Variants in SRGAP1 observed in about 807,000 individuals in gnomAD.
SRGAP1 encodes the protein SLIT-ROBO Rho GTPase-activating protein 1.
SRGAP1 carries 43 observed loss-of-function variants against 121.9 expected under a neutral mutation model. That is an observed-to-expected ratio of 0.35 (90% CI 0.28 to 0.46). The LOEUF is 0.46. Among genes scored for constraint, SRGAP1 ranks in the 20% least tolerant of loss-of-function variants. SRGAP1 has a pLI of 1.00. For missense variants in SRGAP1, 1,102 were observed against 1,350.9 expected, an observed-to-expected ratio of 0.82 and a Z score of 2.89; for synonymous variants, 447 against 485.4, an observed-to-expected ratio of 0.92 and a Z score of 1.04.
At chr12:63,930,195 A>G (rs2031419472) in intron 1 of SRGAP1, among the ~76,000 whole-genome samples, 1 of 152,020 alleles carries the variant, frequency 6.6e-6, no homozygotes, top group Non-Finnish European at 1.5e-5. Flanking sequence ...TAACACTCAA[A>G]AGGGAGCTCC....
At chr12:63,960,362 C>T (rs187194874) in intron 1 of SRGAP1, among the ~76,000 whole-genome samples, 4 of 152,144 alleles carry the variant, frequency 2.6e-5, no homozygotes, top group African/African-American at 4.8e-5. Context: ...GCCCCTCCAC[C>T]GCCAGCTGGT....
intron 21 of SRGAP1, among the ~76,000 whole-genome samples, chr12:64,136,633 C>T (rs1036398391): frequency 6.6e-6 from 1 of 152,128 alleles, no homozygotes; most frequent in Non-Finnish European, 1.5e-5. Flanking sequence ...TTTTGGATAG[C>T]AAATTAGATT....
At chr12:64,005,787 AACTTAT>A (rs1384957321) in intron 3 of SRGAP1, among the ~76,000 whole-genome samples, 1 of 152,206 alleles carries the variant, frequency 6.6e-6, no homozygotes, top group Non-Finnish European at 1.5e-5. Flanking sequence ...AATGCATAGT[AACTTAT>A]ACTTCTCTTC....
chr12:63,990,104 T>A, intron 3 of SRGAP1, 32 bp downstream of exon 3: 2 of 1,535,640 alleles, frequency 1.3e-6, no homozygotes, highest in Non-Finnish European at 1.8e-6. Context: ...ATAGTGTGCT[T>A]TCCAATAACT....
rs536314428 is a variant in SRGAP1 at position 63,957,342 on chromosome 12, T to A, written c.68-26605T>A. 7.2e-5 allele frequency among the ~76,000 whole-genome samples: 11 copies of A among 152,254 alleles called. No homozygotes were observed. The East Asian group carries it at 1.9e-3, about 27-fold the overall frequency. ...TGCCTCCTTGGCACACTCACATTTGTAGGTCATCTGCTCAGGTTTAGGCTT... is the reference window on the plus strand; with the variant it reads ...TGCCTCCTTGGCACACTCACATTTGAAGGTCATCTGCTCAGGTTTAGGCTT... On this transcript the variant is annotated intron_variant, in intron 1 of 21. Transcript: ENST00000355086.
At chr12:64,072,100 ATC>A (rs796532210) in intron 8 of SRGAP1, among the ~76,000 whole-genome samples, 693 of 60,524 alleles carry the variant, frequency 0.011, 16 homozygotes, top group African/African-American at 0.032. Context: ...AGTTGACCCA[ATC>A]TCTCTCTGTG....
chr12:64,137,841 A>G (rs1011204635), intron 21 of SRGAP1, among the ~76,000 whole-genome samples: 1 of 151,924 alleles, frequency 6.6e-6, no homozygotes, highest in Admixed American at 6.6e-5. Flanking sequence ...TATGCTCCAG[A>G]TGAGTGGGAG....
At chr12:64,024,594 C>A (rs147576965) in intron 4 of SRGAP1, among the ~76,000 whole-genome samples, 233 of 152,320 alleles carry the variant, frequency 1.5e-3, no homozygotes, top group African/African-American at 5.4e-3. Context: ...TTGCTCCATT[C>A]GACTTTGTTT....
At chr12:63,947,975 C>T (rs2032102837) in intron 1 of SRGAP1, among the ~76,000 whole-genome samples, 1 of 152,008 alleles carries the variant, frequency 6.6e-6, no homozygotes, top group African/African-American at 2.4e-5. Flanking sequence ...TCTTGCTTTG[C>T]TAACAGTTTT....
chr12:63,854,866 T>C (rs185764693), intron 1 of SRGAP1, among the ~76,000 whole-genome samples: 75 of 152,348 alleles, frequency 4.9e-4, no homozygotes, highest in African/African-American at 1.8e-3. Flanking sequence ...AAGAAGAGTT[T>C]CTCTAGGTGT....
chr12:63,904,419 A>G (rs1260493405), intron 1 of SRGAP1, among the ~76,000 whole-genome samples: 1 of 151,602 alleles, frequency 6.6e-6, no homozygotes, highest in Non-Finnish European at 1.5e-5. Flanking sequence ...GATGGCAGGA[A>G]CTGAAGCAGT....
At chr12:64,104,825 T>C (rs1339077982) in intron 15 of SRGAP1, among the ~76,000 whole-genome samples, 1 of 152,196 alleles carries the variant, frequency 6.6e-6, no homozygotes, top group East Asian at 1.9e-4. Context: ...GTGTCACTTA[T>C]GTCCTTGTTG....
At chr12:64,059,827 G>A (rs1047219653) in intron 6 of SRGAP1, among the ~76,000 whole-genome samples, 3 of 152,162 alleles carry the variant, frequency 2.0e-5, no homozygotes, top group African/African-American at 7.2e-5. Flanking sequence ...TTTGAGTGCA[G>A]CTGATTCCAC....
At chr12:63,877,297 A>G in intron 1 of SRGAP1, among the ~76,000 whole-genome samples, 1 of 152,182 alleles carries the variant, frequency 6.6e-6, no homozygotes, top group East Asian at 1.9e-4. Flanking sequence ...TTGTGTGTGT[A>G]TGTATTTTGG....
At chr12:64,099,889 GA>G (rs915955160) in intron 15 of SRGAP1, among the ~76,000 whole-genome samples, 1 of 152,152 alleles carries the variant, frequency 6.6e-6, no homozygotes, top group African/African-American at 2.4e-5. Context: ...TTTATTGGAT[GA>G]AAAATATCAT....
At chr12:63,892,395 T>C (rs1900616253) in intron 1 of SRGAP1, among the ~76,000 whole-genome samples, 1 of 152,238 alleles carries the variant, frequency 6.6e-6, no homozygotes, top group Admixed American at 6.5e-5. Flanking sequence ...ATGAAAATCA[T>C]TAAAAATATT....
chr12:64,015,302 A>G (rs1339022644), intron 3 of SRGAP1, among the ~76,000 whole-genome samples: 1 of 152,200 alleles, frequency 6.6e-6, no homozygotes, highest in African/African-American at 2.4e-5. Context: ...TCAATAATCA[A>G]GACATAGGAA....
At chr12:63,971,070 C>G (rs2032933775) in intron 1 of SRGAP1, among the ~76,000 whole-genome samples, 1 of 152,208 alleles carries the variant, frequency 6.6e-6, no homozygotes, top group African/African-American at 2.4e-5. Context: ...TCTAGACACT[C>G]TCAGCCACTC....
chr12:64,117,761 C>T (rs1472625594), intron 18 of SRGAP1, among the ~76,000 whole-genome samples: 5 of 152,108 alleles, frequency 3.3e-5, no homozygotes, highest in African/African-American at 9.7e-5. Context: ...TCCCATTTCC[C>T]GCTTCCCCCA....
Sources: gnomAD v4.1 joint callset for allele counts (sites outside exome capture counted in the v4.1 genomes callset) on GRCh38, gnomAD v4.1.1 for gene constraint, MANE v1.5 for transcripts, NCBI Gene and HGNC (gene_info 2026-07-23, HGNC 2026-07-21) for gene names.